Variants in INIP observed in about 807,000 individuals in gnomAD.
The protein encoded by INIP is INTS3 and NABP interacting protein.
A neutral mutation model predicts 14.0 loss-of-function variants in INIP; 9 were observed. The ratio of observed to expected loss-of-function variants is 0.64; its 90% CI spans 0.39 to 1.12. The LOEUF (loss-of-function observed/expected upper bound fraction) is 1.12, where lower values mean the gene tolerates loss of function less well. Among genes scored for constraint, INIP ranks in the 50% most tolerant of loss-of-function variants. INIP has a pLI of 0.01. For missense variants in INIP, 78 were observed against 122.7 expected (o/e 0.64, Z 1.72); for synonymous variants, 37 against 41.5 (o/e 0.89, Z 0.41).
At chr9:112,693,493 T>A (rs542872977) in intron 3 of INIP, among the ~76,000 whole-genome samples, 12 of 152,252 alleles carry the variant, frequency 7.9e-5, no homozygotes, top group Non-Finnish European at 1.6e-4. Context: ...CATTTATTGT[T>A]CTTTGTTGAA....
intron 2 of INIP, among the ~76,000 whole-genome samples, chr9:112,709,842 A>G (rs1838592396): frequency 6.6e-6 from 1 of 152,226 alleles, no homozygotes; most frequent in South Asian, 2.1e-4. Context: ...ATTACTTTAC[A>G]TAATATTCTT....
chr9:112,708,401 T>G (rs1043468846), intron 2 of INIP, among the ~76,000 whole-genome samples: 1 of 152,156 alleles, frequency 6.6e-6, no homozygotes, highest in Non-Finnish European at 1.5e-5. Context: ...GAGCTAGAGA[T>G]AATAAAAGTT....
At chr9:112,716,878 C>A (rs1838837753) in intron 1 of INIP, among the ~76,000 whole-genome samples, 1 of 151,688 alleles carries the variant, frequency 6.6e-6, no homozygotes, top group Non-Finnish European at 1.5e-5. Context: ...TCACTTGAAC[C>A]CGGGTGGCGG....
At chr9:112,690,914 G>T (rs2131282785) in intron 3 of INIP, among the ~76,000 whole-genome samples, 1 of 152,322 alleles carries the variant, frequency 6.6e-6, no homozygotes, top group Non-Finnish European at 1.5e-5. Flanking sequence ...ATGGGGTAAA[G>T]CAGAAAGGAA....
chr9:112,695,932 G>A (rs1838075060), intron 2 of INIP, among the ~76,000 whole-genome samples: 1 of 152,072 alleles, frequency 6.6e-6, no homozygotes, highest in Admixed American at 6.6e-5. Context: ...CTGTAGCCCA[G>A]ACTGGAGTGC....
intron 2 of INIP, among the ~76,000 whole-genome samples, chr9:112,707,382 G>GA (rs1333944359): frequency 6.9e-6 from 1 of 144,612 alleles, no homozygotes; most frequent in African/African-American, 2.6e-5. Flanking sequence ...GTTTTTGTTT[G>GA]AAAAAACATT....
intron 2 of INIP, among the ~76,000 whole-genome samples, chr9:112,701,434 G>C (rs1342267600): frequency 6.6e-6 from 1 of 152,228 alleles, no homozygotes; most frequent in Non-Finnish European, 1.5e-5. Flanking sequence ...CAATGAATCA[G>C]ATGGAAAGGT....
At chr9:112,713,385 T>G (rs552410375) in intron 2 of INIP, among the ~76,000 whole-genome samples, 2 of 152,230 alleles carry the variant, frequency 1.3e-5, no homozygotes, top group Non-Finnish European at 2.9e-5. Flanking sequence ...GAAGCGCATA[T>G]ACTAAAATAA....
intron 1 of INIP, 132 bp from the exon 2 acceptor site, chr9:112,716,673 G>C (rs1474560837): frequency 1.8e-5 from 7 of 384,028 alleles, no homozygotes; most frequent in Non-Finnish European, 2.9e-5. Flanking sequence ...TGTGCCGGGC[G>C]CGGTGGCTCA....
rs1355035580 is a variant in INIP, at chr9:112,685,452, A to T, written c.*2086T>A. ...AATAAATACATAGGAAATTGAATTG[A>T]ATTTGTAACTCAAAGCAGAGGGGTG... On this transcript the variant is annotated 3_prime_UTR_variant, in exon 5 of 5. Transcript: ENST00000374242. The T allele has an allele frequency of 6.6e-6, 1 of 152,052 alleles. No individual in the cohort carries two copies. The highest frequency in any genetic ancestry group is 1.9e-4 in the East Asian group (1 of 5,188). The allele number at this position is 152,052 out of a possible 1,614,324, so 9.4% of individuals were successfully genotyped here. A position where few individuals can be genotyped will look rare whatever the true frequency, so the allele number is the denominator to read the frequency against.
Position 112,717,999 on chromosome 9 carries a change from G to A in INIP, c.-69C>T, listed in dbSNP as rs1038670559. On this transcript the variant is annotated 5_prime_UTR_variant, in exon 1 of 5. Transcript: ENST00000374242. The stretch of plus-strand genomic sequence containing the variant: ...CTGTCGTACTTACCTGGGACCCGAG[G>A]ACACCGGGACCGCCTCTCCTTACAA... 5.2e-5 allele frequency: 8 copies of A among 152,666 alleles called. No homozygotes were observed. The highest frequency in any genetic ancestry group is 1.4e-4 in the African/African-American group (6 of 41,456). The allele number at this position is 152,666 out of a possible 1,614,324, so 9.5% of individuals were successfully genotyped here.
intron 2 of INIP, among the ~76,000 whole-genome samples, chr9:112,708,606 T>C (rs374373851): frequency 5.3e-4 from 80 of 152,312 alleles, no homozygotes; most frequent in African/African-American, 1.6e-3. Flanking sequence ...CCAAAATTCG[T>C]GGCTTAAAAC....
At chr9:112,705,273 T>A (rs180863730) in intron 2 of INIP, among the ~76,000 whole-genome samples, 16 of 152,216 alleles carry the variant, frequency 1.1e-4, no homozygotes, top group Admixed American at 5.2e-4. Flanking sequence ...TAAACATAAT[T>A]TAACTAAATA....
In INIP at chr9:112,715,133, T is replaced by TACACACAC. The variant is rs58647648; in HGVS notation, c.25+1320_25+1327dup. Among the ~76,000 whole-genome samples the TACACACAC allele has an allele frequency of 6.3e-3, 846 of 133,484 alleles. 6 individuals carry two copies. The highest frequency in any genetic ancestry group is 0.013 in the African/African-American group (463 of 35,414). 87.6% of individuals were successfully genotyped at this position (133,484 alleles called of 152,430 possible). A position where few individuals can be genotyped will look rare whatever the true frequency, so the allele number is the denominator to read the frequency against. On this transcript the variant is annotated intron_variant, in intron 2 of 4. Coordinates refer to ENST00000374242, the MANE Select transcript of INIP (RefSeq NM_021218.3). Reference sequence around the variant, plus strand: ...TAAAATACACACATACATACATACATACACACACACACACACACACACACA... The same window carrying TACACACAC: ...TAAAATACACACATACATACATACATACACACACACACACACACACACACACACACACA...
At chr9:112,695,445 T>C (rs180831797) in intron 2 of INIP, among the ~76,000 whole-genome samples, 28 of 152,048 alleles carry the variant, frequency 1.8e-4, no homozygotes, top group Non-Finnish European at 3.5e-4. Context: ...GGTGGTAGGA[T>C]GCAAACTTTT....
At chr9:112,688,296 A>C (rs1837755793) in intron 4 of INIP, among the ~76,000 whole-genome samples, 1 of 152,058 alleles carries the variant, frequency 6.6e-6, no homozygotes. Flanking sequence ...CCTTCCAGTG[A>C]GGAAAACAAG....
At chr9:112,694,268 AAG>A (rs769358042) in intron 2 of INIP, 35 bp from the exon 3 acceptor site, 4 of 1,256,212 alleles carry the variant, frequency 3.2e-6, no homozygotes, top group Middle Eastern at 1.9e-4. Flanking sequence ...AAAAGGGAGA[AAG>A]AGAGAGTAAT....
chr9:112,710,427 T>C (rs1391430306), intron 2 of INIP, among the ~76,000 whole-genome samples: 1 of 152,244 alleles, frequency 6.6e-6, no homozygotes, highest in Non-Finnish European at 1.5e-5. Context: ...CACATCATCA[T>C]AGGACCTTGA....
rs957264859 is a variant in INIP at position 112,689,705 on chromosome 9, T to A, written c.129-88A>T. 50 of 927,350 alleles carry A rather than the reference T, an allele frequency of 5.4e-5. No individual in the cohort carries two copies. In the African/African-American group the frequency reaches 7.5e-4, roughly 14 times the overall value. 57.4% of individuals were successfully genotyped at this position (927,350 alleles called of 1,614,324 possible). On this transcript the variant is annotated intron_variant, in intron 3 of 4. Coordinates refer to ENST00000374242, the MANE Select transcript of INIP (RefSeq NM_021218.3). The stretch of plus-strand genomic sequence containing the variant: ...TGGTAGTAAATTATCTTCTTTTTTT[T>A]AAATTGAGGTATCCTTGACAAAAAC...
Sources: gnomAD v4.1 joint callset for allele counts (sites outside exome capture counted in the v4.1 genomes callset) on GRCh38, gnomAD v4.1.1 for gene constraint, MANE v1.5 for transcripts, NCBI Gene and HGNC (gene_info 2026-07-23, HGNC 2026-07-21) for gene names.